Variants in FMNL1 observed in about 807,000 individuals in gnomAD.
The protein encoded by FMNL1 is formin like 1, also known as formin-like protein 1.
Under a neutral mutation model 121.3 loss-of-function variants are expected in FMNL1, and 43 were observed. The observed-to-expected ratio is 0.35, with a 90% CI of 0.28 to 0.46. The LOEUF (loss-of-function observed/expected upper bound fraction) is 0.46, where lower values mean the gene tolerates loss of function less well. Ranked by LOEUF, FMNL1 falls within the 20% of genes least tolerant of loss-of-function variation. The pLI, the probability that FMNL1 is intolerant of heterozygous loss-of-function variation, is 1.00. For synonymous variants in FMNL1, 613 were observed against 613.5 expected (o/e 1.00, Z 0.01); for missense variants, 1,191 against 1,482.4 (o/e 0.80, Z 3.23).
intron 11 of FMNL1, 60 bp from the exon 12 acceptor site, chr17:45,240,416 G>T: frequency 6.7e-7 from 1 of 1,495,240 alleles, no homozygotes. Context: ...GGGTGGTTTG[G>T]AAAGACTCCC....
Position 45,242,421 on chromosome 17 carries a change from A to G in FMNL1, c.1966A>G (p.Thr656Ala), listed in dbSNP as rs369374854. Residue 656 changes from threonine (T) to alanine (A), a missense_variant, in exon 16 of 27, where the codon ACC becomes GCC. Thr to Ala is a moderately conservative substitution (Grantham distance 58). This residue lies in a region of FMNL1 where 519 missense variants were observed against 492.8 expected (regional missense o/e 1.05). Transcript: ENST00000331495. ...GGTGGCACTGAAACCCAGCCAGATCACCGGCACTGTCTTCACAGAGCTCAA... is the reference window on the plus strand; with the variant it reads ...GGTGGCACTGAAACCCAGCCAGATCGCCGGCACTGTCTTCACAGAGCTCAA... ...NWVALKPSQI[T>A]GTVFTELNDE... The G allele has an allele frequency of 9.0e-5, 145 of 1,614,026 alleles. No individual in the cohort carries two copies. The highest frequency in any genetic ancestry group is 1.2e-4 in the Non-Finnish European group (139 of 1,179,980).
intron 1 of FMNL1, among the ~76,000 whole-genome samples, chr17:45,229,604 G>A (rs559094210): frequency 1.2e-4 from 18 of 152,314 alleles, no homozygotes; most frequent in Admixed American, 3.3e-4. Context: ...AATAACCTGG[G>A]GTTTACTAAA....
rs141569552 is a variant in FMNL1, at chr17:45,227,275, T to C, written c.130-3329T>C. Reference sequence around the variant, plus strand: ...AGTGAAACCCTAGGGTGTGGCTGTGTCCAGATGTGGACGCAGCCCCTTCAG... The same window carrying C: ...AGTGAAACCCTAGGGTGTGGCTGTGCCCAGATGTGGACGCAGCCCCTTCAG... On this transcript the variant is annotated intron_variant, in intron 1 of 26. Coordinates refer to ENST00000331495, the MANE Select transcript of FMNL1 (RefSeq NM_005892.4). 7.2e-3 allele frequency among the ~76,000 whole-genome samples: 1,102 copies of C among 152,120 alleles called. 16 individuals are homozygous for C. The highest frequency in any genetic ancestry group is 0.044 in the Middle Eastern group (13 of 294).
At chr17:45,242,602 T>C in intron 16 of FMNL1, 137 bp downstream of exon 16, 1 of 1,334,156 alleles carries the variant, frequency 7.5e-7, no homozygotes, top group South Asian at 1.5e-5. Flanking sequence ...GGATGGGCAT[T>C]AAGCCAGACT....
At chr17:45,240,662 A>G (rs2043667738) in intron 12 of FMNL1, 37 bp downstream of exon 12, 1 of 1,598,782 alleles carries the variant, frequency 6.3e-7, no homozygotes, top group African/African-American at 1.3e-5. Flanking sequence ...AGCACATCAT[A>G]GGCCCACAGG....
chr17:45,246,344 C>A lies in FMNL1; in HGVS notation c.3211+14C>A, dbSNP rs763756924. 15 of 1,613,992 alleles carry A rather than the reference C, an allele frequency of 9.3e-6. No homozygotes were observed. In the African/African-American group the frequency reaches 1.9e-4, roughly 20 times the overall value. ...ACATCATCACAGGTAAGGGCTTGGCCAGGCCTTGGTCTTATCCTCAGTCTG... is the reference window on the plus strand; with the variant it reads ...ACATCATCACAGGTAAGGGCTTGGCAAGGCCTTGGTCTTATCCTCAGTCTG... On this transcript the variant is annotated intron_variant, in intron 25 of 26. Coordinates refer to ENST00000331495, the MANE Select transcript of FMNL1 (RefSeq NM_005892.4).
At chr17:45,242,492 G>C in intron 16 of FMNL1, 27 bp downstream of exon 16, 1 of 1,605,612 alleles carries the variant, frequency 6.2e-7, no homozygotes, top group Non-Finnish European at 8.5e-7. Flanking sequence ...GGCTCCCCAT[G>C]TGGGCACCGG....
Position 45,237,491 on chromosome 17 carries a change from C to A in FMNL1, c.801-55C>A. On this transcript the variant is annotated intron_variant, in intron 8 of 26. Coordinates refer to ENST00000331495, the MANE Select transcript of FMNL1 (RefSeq NM_005892.4). This position sits in a 1 kb window ranked among gnomAD's most constrained non-coding sequence, Gnocchi z 4.4. ...TCCTCCTAGCCAGGCCTGTGCCCAC[C>A]CTTGCCGCGGGTCCTGCCTGTTCTC... 6.2e-7 allele frequency: 1 copy of A among 1,611,346 alleles called. No individual in the cohort carries two copies. Among genetic ancestry groups the A allele is most frequent in the Non-Finnish European group, 8.5e-7 (1 of 1,177,666 alleles).
chr17:45,246,223 C>T lies in FMNL1; in HGVS notation c.3104C>T (p.Ala1035Val), dbSNP rs199676283. 1.2e-6 allele frequency: 2 copies of T among 1,609,070 alleles called. No homozygotes were observed. Among genetic ancestry groups the T allele is most frequent in the East Asian group, 2.2e-5 (1 of 44,722 alleles). ...AATTCCCCCTAGTCACCGCCAAAGG[C>T]CCGGCGGCCACAGATGGACCTCATC... ...EPPAPKSPPK[A>V]RRPQMDLISE... Residue 1035 changes from alanine (A) to valine (V), a missense_variant, in exon 25 of 27, where the codon GCC becomes GTC. Physicochemically the swap from Ala to Val is moderately conservative, Grantham distance 64. Around this residue, in one of 4 missense-constraint regions of FMNL1, gnomAD observed 367 missense variants for 528.6 expected, o/e 0.69. Coordinates refer to ENST00000331495, the MANE Select transcript of FMNL1 (RefSeq NM_005892.4).
At chr17:45,224,648 G>A (rs940008821) in intron 1 of FMNL1, among the ~76,000 whole-genome samples, 25 of 152,232 alleles carry the variant, frequency 1.6e-4, no homozygotes, top group African/African-American at 6.0e-4. Flanking sequence ...GGTGAGGGGT[G>A]TCCCCACTTA....
intron 15 of FMNL1, 93 bp downstream of exon 15, chr17:45,242,239 G>A: frequency 6.4e-7 from 1 of 1,571,214 alleles, no homozygotes; most frequent in Non-Finnish European, 8.6e-7. Context: ...CTGCCTGGGG[G>A]CCTCCTGCTG....
rs192224294 is a variant in FMNL1 at position 45,233,400 on chromosome 17, C to T, written c.401+103C>T. On this transcript the variant is annotated intron_variant, in intron 4 of 26. Transcript: ENST00000331495. The surrounding 1 kb of genome is among the most constrained non-coding windows in gnomAD (Gnocchi z 4.1). Reference sequence around the variant, plus strand: ...TACTCCCCCTGCCCCCTGCACAAGGCTGTGCTTGTGGACCACCTCCTGGAG... The same window carrying T: ...TACTCCCCCTGCCCCCTGCACAAGGTTGTGCTTGTGGACCACCTCCTGGAG... The T allele has an allele frequency of 2.6e-4, 327 of 1,280,850 alleles. 3 individuals carry two copies. In the East Asian group the frequency reaches 7.2e-3, roughly 28 times the overall value. The allele number at this position is 1,280,850 out of a possible 1,614,324, so 79.3% of individuals were successfully genotyped here. A position where few individuals can be genotyped will look rare whatever the true frequency, so the allele number is the denominator to read the frequency against.
In FMNL1 at chr17:45,222,806, TCTTTATCTTGGGGCATC is replaced by T. The variant is rs377446825; in HGVS notation, c.129+558_129+574del. Among the ~76,000 whole-genome samples the T allele has an allele frequency of 4.6e-3, 704 of 151,876 alleles. 2 individuals carry two copies. Among genetic ancestry groups the T allele is most frequent in the African/African-American group, 0.015 (638 of 41,424 alleles). On this transcript the variant is annotated intron_variant, in intron 1 of 26. Coordinates refer to ENST00000331495, the MANE Select transcript of FMNL1 (RefSeq NM_005892.4). ...ATGTCAGAGCCAGGGTGCCTGTGGG[TCTTTATCTTGGGGCATC>T]CTTTCCAAGCCACTGAAGGGAGTAA...
intron 22 of FMNL1, 81 bp from the exon 23 acceptor site, chr17:45,245,551 G>C (rs2143647968): frequency 6.2e-7 from 1 of 1,601,608 alleles, no homozygotes; most frequent in East Asian, 2.2e-5. Flanking sequence ...CCTGGGAGGA[G>C]CTCAGATCAG....
chr17:45,242,309 T>G, intron 15 of FMNL1, 32 bp from the exon 16 acceptor site: 1 of 1,610,218 alleles, frequency 6.2e-7, no homozygotes, highest in Non-Finnish European at 8.5e-7. Context: ...GTACCCCCAG[T>G]GCTCACCACT....
intron 3 of FMNL1, among the ~76,000 whole-genome samples, 190 bp downstream of exon 3, chr17:45,232,670 T>C (rs1451963451): frequency 6.6e-6 from 1 of 152,138 alleles, no homozygotes; most frequent in Non-Finnish European, 1.5e-5. Flanking sequence ...TAGATATTCC[T>C]CTGTACATCC....
Position 45,240,543 on chromosome 17 carries a change from A to T in FMNL1, c.1148A>T (p.Asp383Val). The T allele has an allele frequency of 6.2e-7, 1 of 1,613,452 alleles. No individual in the cohort carries two copies. The highest frequency in any genetic ancestry group is 2.2e-5 in the East Asian group (1 of 44,822). Residue 383 changes from aspartate to valine, a missense_variant, in exon 12 of 27, where the codon GAT becomes GTT. By Grantham distance (152) the Asp-to-Val change is radical (BLOSUM62 -3). Transcript: ENST00000331495. ...QIQAYLDNIF[D>V]VGALLEDTET... ...CAGGCGTACCTGGACAATATTTTTG[A>T]TGTGGGGGCGCTGCTGGAGGACACA...
chr17:45,223,541 A>G (rs2043271714), intron 1 of FMNL1, among the ~76,000 whole-genome samples: 1 of 152,136 alleles, frequency 6.6e-6, no homozygotes, highest in East Asian at 1.9e-4. Context: ...GGGCAGGGAC[A>G]CTGAGGGACG....
At position 45,222,026 on chromosome 17, in the gene FMNL1, GC is replaced by G. The variant is rs1467931254; in HGVS notation, c.-94del. The G allele has an allele frequency of 7.3e-6, 7 of 963,340 alleles. No homozygotes were observed. The highest frequency in any genetic ancestry group is 3.9e-6 in the Non-Finnish European group (3 of 771,704). The allele number at this position is 963,340 out of a possible 1,614,324, so 59.7% of individuals were successfully genotyped here. ...ACCCCCGCCGCCACCGCCAGCCGCT[GC>G]CCCCTCGCCCCCGCCCGGGCCGGGA... On this transcript the variant is annotated 5_prime_UTR_variant, in exon 1 of 27. Coordinates refer to ENST00000331495, the MANE Select transcript of FMNL1 (RefSeq NM_005892.4).
Sources: gnomAD v4.1 joint callset for allele counts (sites outside exome capture counted in the v4.1 genomes callset) on GRCh38, gnomAD v4.1.1 for gene constraint, gnomAD v4.1.1 regional missense constraint, Gnocchi (gnomAD v3.1) non-coding constraint, MANE v1.5 for transcripts, NCBI Gene and HGNC (gene_info 2026-07-23, HGNC 2026-07-21) for gene names.